CCDC88C: variants seen among roughly 807,000 people sequenced by gnomAD.
The protein encoded by CCDC88C is protein Daple.
A neutral mutation model predicts 198.8 loss-of-function variants in CCDC88C; 131 were observed. That is an observed-to-expected ratio of 0.66 (90% CI 0.57 to 0.76). CCDC88C has a LOEUF of 0.76. Among genes scored for constraint, CCDC88C ranks in the 30% least tolerant of loss-of-function variants. The pLI is 0.00. For missense variants in CCDC88C, 2,553 were observed against 2,631.6 expected (o/e 0.97, Z 0.65); for synonymous variants, 1,166 against 1,114.7 (o/e 1.05, Z -0.92).
chr14:91,382,673 G>T (rs1374052313), intron 3 of CCDC88C, among the ~76,000 whole-genome samples: 1 of 152,182 alleles, frequency 6.6e-6, no homozygotes, highest in South Asian at 2.1e-4. Flanking sequence ...AGTAGGTACA[G>T]GCATGCATAG....
At chr14:91,333,334 TTATC>T (rs1362211076) in intron 10 of CCDC88C, among the ~76,000 whole-genome samples, 5 of 152,344 alleles carry the variant, frequency 3.3e-5, no homozygotes, top group Non-Finnish European at 7.3e-5. Context: ...GCCAACAACT[TTATC>T]TAGCAGCCTG....
intron 29 of CCDC88C, among the ~76,000 whole-genome samples, chr14:91,275,163 C>G (rs943064687): frequency 2.0e-5 from 3 of 152,136 alleles, no homozygotes; most frequent in Non-Finnish European, 2.9e-5. Flanking sequence ...ACCAGGCAGA[C>G]AGAGGGGGCT....
chr14:91,282,268 T>C (rs1890230626), intron 26 of CCDC88C, among the ~76,000 whole-genome samples: 1 of 152,232 alleles, frequency 6.6e-6, no homozygotes, highest in African/African-American at 2.4e-5. Context: ...TACATGCCCA[T>C]GGCTTCAAGA....
intron 15 of CCDC88C, among the ~76,000 whole-genome samples, chr14:91,312,633 C>T (rs974546867): frequency 6.6e-6 from 1 of 152,000 alleles, no homozygotes; most frequent in Non-Finnish European, 1.5e-5. Flanking sequence ...TGCAGTGAGC[C>T]GAGATCACGC....
rs941578274 is a variant in CCDC88C, at chr14:91,272,214, C to T, written c.*411G>A. The T allele has an allele frequency of 9.6e-5, 16 of 167,484 alleles. No homozygotes were observed. The highest frequency in any genetic ancestry group is 1.8e-4 in the East Asian group (1 of 5,424). The allele number at this position is 167,484 out of a possible 1,614,324, so 10.4% of individuals were successfully genotyped here. On this transcript the variant is annotated 3_prime_UTR_variant, in exon 30 of 30. Transcript: ENST00000389857. The stretch of plus-strand genomic sequence containing the variant: ...GGGAGAGGGAGTGGGCTTTCTGACC[C>T]GCCAGGCCTGAGCCTCGTAAGCCTG...
At chr14:91,333,004 T>G (rs368535475) in intron 10 of CCDC88C, among the ~76,000 whole-genome samples, 9 of 152,014 alleles carry the variant, frequency 5.9e-5, no homozygotes, top group African/African-American at 1.9e-4. Flanking sequence ...CGGGCGGGGG[T>G]CGGGGGTGCG....
chr14:91,400,556 C>G (rs1236582103), intron 3 of CCDC88C, among the ~76,000 whole-genome samples: 4 of 152,250 alleles, frequency 2.6e-5, no homozygotes, highest in African/African-American at 9.6e-5. Context: ...GCCTTGTTCT[C>G]TAACCCCACT....
Position 91,352,448 on chromosome 14 carries a change from A to T in CCDC88C, c.340+7194T>A, listed in dbSNP as rs2139889053. On this transcript the variant is annotated intron_variant, in intron 4 of 29. Transcript: ENST00000389857. The surrounding 1 kb of genome is among the most constrained non-coding windows in gnomAD (Gnocchi z 4.2). ...GCCCTCATTTCCGGATCCAACAAGCAGCACAGAAGCAAAGAAGCAGGATAG... is the reference window on the plus strand; with the variant it reads ...GCCCTCATTTCCGGATCCAACAAGCTGCACAGAAGCAAAGAAGCAGGATAG... Among the ~76,000 whole-genome samples the T allele has an allele frequency of 6.6e-6, 1 of 152,362 alleles. No homozygotes were observed. Among genetic ancestry groups the T allele is most frequent in the East Asian group, 1.9e-4 (1 of 5,186 alleles).
Position 91,288,381 on chromosome 14 carries a change from A to C in CCDC88C, c.4441+724T>G, listed in dbSNP as rs916451112. 6.6e-6 allele frequency among the ~76,000 whole-genome samples: 1 copy of C among 152,202 alleles called. No individual in the cohort carries two copies. Among genetic ancestry groups the C allele is most frequent in the South Asian group, 2.1e-4 (1 of 4,832 alleles). On this transcript the variant is annotated intron_variant, in intron 25 of 29. Transcript: ENST00000389857. This position sits in a 1 kb window ranked among gnomAD's most constrained non-coding sequence, Gnocchi z 4.2. ...GAAGAAGTCCTAACCCACCTTTCAA[A>C]GTGGTAACAGATAAACCACCCAAGG...
At chr14:91,285,971 A>G in intron 25 of CCDC88C, 2 of 449,426 alleles carry the variant, frequency 4.5e-6, no homozygotes, top group South Asian at 4.0e-5. Flanking sequence ...CTTGCCCAGG[A>G]AAGATGAAAA....
chr14:91,289,449 C>G (rs1229130074), intron 24 of CCDC88C, 106 bp from the exon 25 acceptor site: 1 of 962,798 alleles, frequency 1.0e-6, no homozygotes, highest in Non-Finnish European at 1.7e-6. Context: ...GTCTGGGAAG[C>G]TAGGCCACTC....
chr14:91,375,729 G>T (rs1052702073), intron 3 of CCDC88C, among the ~76,000 whole-genome samples: 6 of 152,208 alleles, frequency 3.9e-5, no homozygotes, highest in African/African-American at 1.4e-4. Flanking sequence ...GACTCTTCCA[G>T]CCCAAGCCAC....
chr14:91,399,110 C>T (rs574884058), intron 3 of CCDC88C, among the ~76,000 whole-genome samples: 1 of 152,192 alleles, frequency 6.6e-6, no homozygotes, highest in Non-Finnish European at 1.5e-5. Flanking sequence ...CCAGCCCTAA[C>T]CCTGGGGCCT....
chr14:91,307,867 T>C (rs1448113562), intron 17 of CCDC88C, among the ~76,000 whole-genome samples: 1 of 152,198 alleles, frequency 6.6e-6, no homozygotes, highest in Non-Finnish European at 1.5e-5. Flanking sequence ...AGCATGTGCA[T>C]ATGTGGAGAG....
intron 3 of CCDC88C, among the ~76,000 whole-genome samples, chr14:91,377,075 CAA>C (rs1165523389): frequency 7.5e-6 from 1 of 133,958 alleles, no homozygotes; most frequent in Admixed American, 9.3e-5. Context: ...GGAGAAAAAA[CAA>C]AGAGAAACAG....
chr14:91,392,114 T>TGGCCACCATGACAGCTGCTCCCAC (rs2139980695), intron 3 of CCDC88C, among the ~76,000 whole-genome samples: 1 of 152,148 alleles, frequency 6.6e-6, no homozygotes, highest in African/African-American at 2.4e-5. Flanking sequence ...GCAGCTCCCA[T>TGGCCACCATGACAGCTGCTCCCAC]GGCCACCATG....
chr14:91,415,749 T>C (rs1161917178), intron 2 of CCDC88C, among the ~76,000 whole-genome samples: 2 of 151,682 alleles, frequency 1.3e-5, no homozygotes, highest in Non-Finnish European at 2.9e-5. Context: ...GGTTCTTGAA[T>C]TATTTTTTTC....
intron 28 of CCDC88C, among the ~76,000 whole-genome samples, chr14:91,278,889 CTTTTTTTTTTTTTT>C (rs10671669): frequency 7.3e-5 from 4 of 54,506 alleles, no homozygotes; most frequent in East Asian, 1.2e-3. Context: ...ACCAAATACA[CTTTTTTTTTTTTTT>C]TTTTTTTTTT....
In CCDC88C at chr14:91,303,738, G is replaced by A. The variant is rs961558409; in HGVS notation, c.3598C>T (p.Arg1200Trp). The change falls in exon 20 of 30, where the codon CGG (arginine) becomes TGG (tryptophan). Residue 1200 changes from arginine to tryptophan, a missense_variant. This residue lies in a region of CCDC88C where 1,293 missense variants were observed against 1,219.6 expected (regional missense o/e 1.06). Transcript: ENST00000389857. The part of the protein sequence containing the change: ...RQHSCLKTLH[R>W]NLELEHKELG... Reference sequence around the variant, plus strand: ...TCCTTGTGCTCCAGCTCCAGATTCCGATGCAGTGTCTTTAGGCAGCTGTGC... The same window carrying A: ...TCCTTGTGCTCCAGCTCCAGATTCCAATGCAGTGTCTTTAGGCAGCTGTGC... 6 of 1,607,712 alleles carry A rather than the reference G, an allele frequency of 3.7e-6. No individual in the cohort carries two copies. In the African/African-American group the frequency reaches 4.0e-5, roughly 11 times the overall value.
Sources: allele counts gnomAD v4.1 joint callset (sites outside exome capture counted in the v4.1 genomes callset), GRCh38; gene constraint gnomAD v4.1.1; regional missense constraint gnomAD v4.1.1; non-coding constraint Gnocchi (gnomAD v3.1); transcripts MANE v1.5; gene names NCBI Gene and HGNC (gene_info 2026-07-23, HGNC 2026-07-21).